TTC6: variants seen among roughly 807,000 people sequenced by gnomAD.
TTC6 encodes tetratricopeptide repeat domain 6, also known as tetratricopeptide repeat protein 6.
Under a neutral mutation model 210.4 loss-of-function variants are expected in TTC6, and 172 were observed. The observed-to-expected ratio is 0.82, with a 90% confidence interval of 0.72 to 0.93. TTC6 has a LOEUF of 0.93. Among genes scored for constraint, TTC6 ranks in the 40% least tolerant of loss-of-function variants. TTC6 has a pLI of 0.00. For missense variants in TTC6, 2,414 were observed against 2,318.1 expected, an observed-to-expected ratio of 1.04 and a Z score of -0.85; for synonymous variants, 804 against 819.6, an observed-to-expected ratio of 0.98 and a Z score of 0.32.
At chr14:37,725,352 A>ATATATATATATATG (rs2095870750) in intron 7 of TTC6, among the ~76,000 whole-genome samples, 1 of 125,540 alleles carries the variant, frequency 8.0e-6, no homozygotes, top group African/African-American at 3.1e-5. Flanking sequence ...ATATATATAT[A>ATATATATATATATG]TATATAATTT....
At chr14:37,787,523 G>T (rs1222367148) in exon 15 of TTC6, 3 of 1,531,716 alleles carry the variant, frequency 2.0e-6, no homozygotes, top group African/African-American at 2.7e-5. Flanking sequence ...AGCAACTCAA[G>T]ATTTTTCTGC....
intron 26 of TTC6, among the ~76,000 whole-genome samples, chr14:37,822,164 T>G (rs1270458916): frequency 1.3e-5 from 2 of 152,226 alleles, no homozygotes; most frequent in Non-Finnish European, 2.9e-5. Flanking sequence ...AGCTCCAAGC[T>G]TATCATTTTA....
At chr14:37,814,832 A>G (rs1160700561) in intron 25 of TTC6, among the ~76,000 whole-genome samples, 1 of 152,210 alleles carries the variant, frequency 6.6e-6, no homozygotes, top group Non-Finnish European at 1.5e-5. Context: ...AGAGGTCTGC[A>G]TGAAAAACCA....
intron 3 of TTC6, 49 bp from the exon 6 acceptor site, chr14:37,696,668 C>A: frequency 1.1e-6 from 1 of 914,252 alleles, no homozygotes; most frequent in Non-Finnish European, 1.5e-6. Context: ...AAAGATCTAA[C>A]TCTCATGTTA....
chr14:37,628,663 AATCATGAAGTCTTTGCCCATGCGT>A (rs1313206179), intron 1 of TTC6, among the ~76,000 whole-genome samples: 4 of 152,150 alleles, frequency 2.6e-5, no homozygotes, highest in African/African-American at 9.7e-5. Context: ...TTGCTGTTTC[AATCATGAAGTCTTTGCCCATGCGT>A]ATGTCCTGAA....
chr14:37,804,556 TCC>T, intron 20 of TTC6, 122 bp from the exon 23 acceptor site: 1 of 1,272,046 alleles, frequency 7.9e-7, no homozygotes, highest in East Asian at 2.3e-5. Flanking sequence ...GGTCTGTTTG[TCC>T]CCAGATAAAG....
chr14:37,827,057 T>G (rs767545150), intron 28 of TTC6, 139 bp from the exon 31 acceptor site: 1 of 602,450 alleles, frequency 1.7e-6, no homozygotes, highest in Non-Finnish European at 2.6e-6. Flanking sequence ...CTCAAAATAT[T>G]TGTTCTACTG....
intron 14 of TTC6, among the ~76,000 whole-genome samples, chr14:37,778,098 T>A (rs1292292198): frequency 6.6e-6 from 1 of 152,310 alleles, no homozygotes; most frequent in East Asian, 1.9e-4. Flanking sequence ...CCTTTGCACA[T>A]GCCAGCAGCA....
rs1054251982 is a variant in TTC6 at position 37,840,076 on chromosome 14, G to A, written c.5299-1369G>A. On this transcript the variant is annotated intron_variant, in intron 29 of 30. Coordinates refer to ENST00000553443, the Ensembl canonical transcript of TTC6. ...GTAGTATAGTTTGAAGTCAGGTAGC[G>A]TGATGCCTCCAGCTAGCCAGACTAA... is the stretch of plus-strand genomic sequence containing the variant. Among the ~76,000 whole-genome samples, 5 of 151,952 alleles carry A rather than the reference G, an allele frequency of 3.3e-5. No homozygotes were observed. In the East Asian group the frequency reaches 5.8e-4, roughly 18 times the overall value.
chr14:37,746,790 T>A (rs12433622), intron 10 of TTC6, among the ~76,000 whole-genome samples: 29,527 of 152,144 alleles, frequency 0.19, 3,210 homozygotes, highest in Non-Finnish European at 0.26. Context: ...GTATAGTCAT[T>A]GAAAGAAACT....
intron 2 of TTC6, among the ~76,000 whole-genome samples, chr14:37,608,450 T>C (rs1008158539): frequency 2.0e-5 from 3 of 151,998 alleles, no homozygotes; most frequent in Non-Finnish European, 4.4e-5. Context: ...GCTGAGACTA[T>C]AGGTTCATGC....
chr14:37,808,461 A>C, intron 23 of TTC6, among the ~76,000 whole-genome samples: 1 of 152,192 alleles, frequency 6.6e-6, no homozygotes. Context: ...GCCATATACC[A>C]ACATTGGTAA....
rs188627574 is a variant in TTC6 at position 37,724,795 on chromosome 14, C to A, written c.1714-103C>A. On this transcript the variant is annotated intron_variant, in intron 6 of 30. Coordinates refer to ENST00000553443, the Ensembl canonical transcript of TTC6. Reference sequence around the variant, plus strand: ...TCCATATTTTCAGAAGCTGTGGAACCAAAAATTCTCAGCAACTAAAAATAA... The same window carrying A: ...TCCATATTTTCAGAAGCTGTGGAACAAAAAATTCTCAGCAACTAAAAATAA... The A allele has an allele frequency of 2.1e-5, 13 of 612,618 alleles. 1 individual carries two copies. In the Admixed American group the frequency reaches 4.4e-4, roughly 21 times the overall value. 37.9% of individuals were successfully genotyped at this position (612,618 alleles called of 1,614,324 possible). A position where few individuals can be genotyped will look rare whatever the true frequency, so the allele number is the denominator to read the frequency against.
intron 1 of TTC6, among the ~76,000 whole-genome samples, chr14:37,661,512 C>G (rs2095737315): frequency 1.3e-5 from 2 of 152,256 alleles, no homozygotes; most frequent in African/African-American, 2.4e-5. Flanking sequence ...GTTCTCTATT[C>G]TGTTCCATTG....
intron 1 of TTC6, among the ~76,000 whole-genome samples, chr14:37,673,146 C>G (rs1258273796): frequency 6.6e-6 from 1 of 152,024 alleles, no homozygotes; most frequent in East Asian, 1.9e-4. Flanking sequence ...AGGGTCCAGT[C>G]ACCCAGAACA....
At chr14:37,626,549 C>A (rs2095660630) in intron 1 of TTC6, among the ~76,000 whole-genome samples, 1 of 152,096 alleles carries the variant, frequency 6.6e-6, no homozygotes. Flanking sequence ...TAACTATAAA[C>A]CCTGAACATT....
intron 5 of TTC6, 120 bp downstream of exon 7, chr14:37,701,646 C>A: frequency 2.1e-6 from 2 of 972,812 alleles, no homozygotes; most frequent in East Asian, 2.8e-5. Flanking sequence ...GAGGAGGGAG[C>A]AGTTTTTGTT....
At chr14:37,809,534 G>A (rs2096125598) in intron 24 of TTC6, among the ~76,000 whole-genome samples, 1 of 152,124 alleles carries the variant, frequency 6.6e-6, no homozygotes, top group Non-Finnish European at 1.5e-5. Flanking sequence ...TTTTAAAGCA[G>A]TAGCAATCAC....
At chr14:37,814,602 G>T (rs1480987215) in intron 25 of TTC6, among the ~76,000 whole-genome samples, 1 of 151,978 alleles carries the variant, frequency 6.6e-6, no homozygotes, top group Non-Finnish European at 1.5e-5. Flanking sequence ...ATGTCCGATT[G>T]GAATTTTGTA....
Sources: allele counts gnomAD v4.1 joint callset (sites outside exome capture counted in the v4.1 genomes callset), GRCh38; gene constraint gnomAD v4.1.1; transcripts MANE v1.5; gene names NCBI Gene and HGNC (gene_info 2026-07-23, HGNC 2026-07-21).